The following LRP5 variants were observed in gnomAD, a reference collection of about 807,000 sequenced individuals.
LRP5 encodes LDL receptor related protein 5.
LRP5 carries 62 observed loss-of-function variants against 154.1 expected under a neutral mutation model. That is an observed-to-expected ratio of 0.40 (90% confidence interval 0.33 to 0.50). The LOEUF is 0.50. Ranked by LOEUF, LRP5 falls within the 20% of genes least tolerant of loss-of-function variation. LRP5 has a pLI of 0.55. For synonymous variants in LRP5, 966 were observed against 1,011.5 expected, an observed-to-expected ratio of 0.96 and a Z score of 0.85; for missense variants, 1,915 against 2,336.7, an observed-to-expected ratio of 0.82 and a Z score of 3.72.
chr11:68,416,606 C>G (rs1311050855), intron 13 of LRP5, 79 bp downstream of exon 13: 1 of 1,370,224 alleles, frequency 7.3e-7, no homozygotes, highest in East Asian at 2.4e-5. Context: ...CTGCCCCTGT[C>G]CTTAGCAGAG....
intron 1 of LRP5, among the ~76,000 whole-genome samples, chr11:68,343,835 C>A (rs1301524762): frequency 6.6e-6 from 1 of 152,204 alleles, no homozygotes; most frequent in Non-Finnish European, 1.5e-5. Flanking sequence ...CGGCTGCCAT[C>A]TCATCCTTTG....
intron 21 of LRP5, among the ~76,000 whole-genome samples, chr11:68,441,413 G>A (rs1018613656): frequency 3.9e-5 from 6 of 152,214 alleles, no homozygotes; most frequent in African/African-American, 9.7e-5. Flanking sequence ...TGACTGTGGT[G>A]GGCCCTGGGA....
rs191618258 is a variant in LRP5, at chr11:68,362,591, G to A, written c.687-1156G>A. On this transcript the variant is annotated intron_variant, in intron 3 of 22. Transcript: ENST00000294304. ...CTGTGGTCCCAGCTACTCTGGAGGC[G>A]GAGGTGGGAGAATCGCTTGAACCTG... 1.9e-4 allele frequency among the ~76,000 whole-genome samples: 29 copies of A among 151,928 alleles called. No homozygotes were observed. In the East Asian group the frequency reaches 3.7e-3, roughly 19 times the overall value.
At chr11:68,396,503 A>G (rs530604085) in intron 7 of LRP5, among the ~76,000 whole-genome samples, 4 of 152,324 alleles carry the variant, frequency 2.6e-5, no homozygotes, top group African/African-American at 9.6e-5. Context: ...AGTGCATGAG[A>G]GGACTTCACG....
intron 2 of LRP5, 52 bp from the exon 3 acceptor site, chr11:68,357,592 GACAAAA>G (rs2098624169): frequency 2.0e-6 from 3 of 1,525,568 alleles, no homozygotes; most frequent in Non-Finnish European, 2.7e-6. Context: ...CATCTATGCA[GACAAAA>G]ACAAAAAACA....
At chr11:68,308,136 G>A (rs557272759), upstream of LRP5, among the ~76,000 whole-genome samples, 7 of 152,262 alleles carry the variant, frequency 4.6e-5, no homozygotes, top group Non-Finnish European at 1.0e-4. Context: ...GCAGCCTGAG[G>A]AATGAGCCTG....
At chr11:68,406,913 G>A (rs1427137350) in intron 9 of LRP5, 100 bp downstream of exon 9, 17 of 1,195,598 alleles carry the variant, frequency 1.4e-5, no homozygotes, top group Admixed American at 6.0e-5. Flanking sequence ...AAGCACTATC[G>A]TATTTATTGT....
chr11:68,395,151 A>G (rs1418853324), intron 7 of LRP5, among the ~76,000 whole-genome samples: 1 of 152,088 alleles, frequency 6.6e-6, no homozygotes, highest in Non-Finnish European at 1.5e-5. Flanking sequence ...ATATACAAAA[A>G]TTAGCCAGGC....
At chr11:68,323,045 A>T (rs1444355805) in intron 1 of LRP5, among the ~76,000 whole-genome samples, 2 of 152,224 alleles carry the variant, frequency 1.3e-5, no homozygotes, top group Admixed American at 6.6e-5. Flanking sequence ...AAACATTTTT[A>T]ATCATGCAAA....
At chr11:68,430,761 TC>T (rs2098671438) in intron 17 of LRP5, among the ~76,000 whole-genome samples, 1 of 152,114 alleles carries the variant, frequency 6.6e-6, no homozygotes, top group Non-Finnish European at 1.5e-5. Context: ...GATCCTCTTC[TC>T]CCCCTAGGGC....
intron 3 of LRP5, among the ~76,000 whole-genome samples, chr11:68,362,305 G>C (rs527554031): frequency 2.0e-5 from 3 of 152,200 alleles, no homozygotes; most frequent in Non-Finnish European, 4.4e-5. Context: ...TTTGCCTGTG[G>C]GGCAATGGAA....
chr11:68,415,832 G>A lies in LRP5; in HGVS notation c.2828-496G>A, dbSNP rs12789580. 7.0e-5 allele frequency among the ~76,000 whole-genome samples: 5 copies of A among 71,734 alleles called. 2 individuals carry two copies. The highest frequency in any genetic ancestry group is 3.1e-4 in the Admixed American group (2 of 6,534). 47.1% of individuals were successfully genotyped at this position (71,734 alleles called of 152,430 possible). On this transcript the variant is annotated intron_variant, in intron 12 of 22. Transcript: ENST00000294304. ...AGCACTTTGGGAGGCCAAGGCGGGC[G>A]GATGACAAGGTCAGGAGATCGAGAC...
the LRP5 span, among the ~76,000 whole-genome samples, chr11:68,306,196 C>T: frequency 6.6e-6 from 1 of 152,124 alleles, no homozygotes; most frequent in South Asian, 2.1e-4. Flanking sequence ...AGTGCAGTGG[C>T]GCGATCTTGG....
intron 7 of LRP5, among the ~76,000 whole-genome samples, chr11:68,392,703 G>A (rs1427210265): frequency 6.6e-6 from 1 of 151,988 alleles, no homozygotes; most frequent in Non-Finnish European, 1.5e-5. Context: ...TCTACTTTCT[G>A]TCTCTGGGGG....
At chr11:68,404,405 C>T in intron 8 of LRP5, 2 of 510,424 alleles carry the variant, frequency 3.9e-6, no homozygotes, top group Non-Finnish European at 7.7e-6. Flanking sequence ...GCTGCATTGC[C>T]TGCAGTCCTG....
In LRP5 at chr11:68,400,532, C is replaced by T. The variant is rs141652326; in HGVS notation, c.1585-2951C>T. ...GGTCGGGAGTTTGTGACCGGCCTGA[C>T]CAAGATGGAGAAACCCCGTCTCTAC... On this transcript the variant is annotated intron_variant, in intron 7 of 22. Coordinates refer to ENST00000294304, the MANE Select transcript of LRP5 (RefSeq NM_002335.4). 2.7e-3 allele frequency among the ~76,000 whole-genome samples: 411 copies of T among 151,466 alleles called. 5 individuals carry two copies. Among genetic ancestry groups the T allele is most frequent in the African/African-American group, 8.7e-3 (360 of 41,300 alleles).
chr11:68,391,030 C>T (rs995187762), intron 7 of LRP5, among the ~76,000 whole-genome samples: 9 of 152,192 alleles, frequency 5.9e-5, no homozygotes, highest in African/African-American at 1.9e-4. Flanking sequence ...TGCAGTGGCG[C>T]GATCTCAGCT....
chr11:68,390,613 T>C (rs1485809461), intron 7 of LRP5, among the ~76,000 whole-genome samples: 1 of 152,074 alleles, frequency 6.6e-6, no homozygotes, highest in East Asian at 1.9e-4. Flanking sequence ...TGTGGTCGGG[T>C]TTCAGTGGCC....
chr11:68,446,635 G>A, intron 22 of LRP5, 102 bp downstream of exon 22: 1 of 1,081,504 alleles, frequency 9.2e-7, no homozygotes, highest in Non-Finnish European at 1.4e-6. Context: ...TATTCTGGGT[G>A]CTAGTGGGCA....
Sources: gnomAD v4.1 joint callset for allele counts (sites outside exome capture counted in the v4.1 genomes callset) on GRCh38, gnomAD v4.1.1 for gene constraint, MANE v1.5 for transcripts, NCBI Gene and HGNC (gene_info 2026-07-23, HGNC 2026-07-21) for gene names.